ADAM7: variants seen among roughly 807,000 people sequenced by gnomAD.
The protein encoded by ADAM7 is ADAM metallopeptidase domain 7.
In ADAM7, 97 loss-of-function variants were observed where a neutral mutation model predicts 102.9. That is an observed-to-expected ratio of 0.94 (90% CI 0.80 to 1.12). The LOEUF (loss-of-function observed/expected upper bound fraction) is 1.12, where lower values mean the gene tolerates loss of function less well. Among genes scored for constraint, ADAM7 ranks in the 50% most tolerant of loss-of-function variants. The pLI, the probability that ADAM7 is intolerant of heterozygous loss-of-function variation, is 0.00. For missense variants in ADAM7, 991 were observed against 908.7 expected (o/e 1.09, Z -1.16); for synonymous variants, 334 against 304.4 (o/e 1.10, Z -1.01).
At chr8:24,452,330 G>A (rs1459924707) in intron 3 of ADAM7, among the ~76,000 whole-genome samples, 5 of 149,558 alleles carry the variant, frequency 3.3e-5, no homozygotes, top group African/African-American at 7.4e-5. Flanking sequence ...GAATCTGGGT[G>A]CTCCTGTATT....
At chr8:24,503,815 GA>G in intron 20 of ADAM7, among the ~76,000 whole-genome samples, 1 of 152,114 alleles carries the variant, frequency 6.6e-6, no homozygotes, top group African/African-American at 2.4e-5. Context: ...TCATAAGTGG[GA>G]GTTGAGCAAT....
chr8:24,487,827 G>A lies in ADAM7; in HGVS notation c.1091+510G>A, dbSNP rs17052042. ...GGTAGTGTCTCTCTCTAGTGATACC[G>A]TGAGAGAAATCCCAAAACTTTCTGG... is the stretch of plus-strand genomic sequence containing the variant. On this transcript the variant is annotated intron_variant, in intron 11 of 21. Coordinates refer to ENST00000175238, the MANE Select transcript of ADAM7 (RefSeq NM_003817.4). Among the ~76,000 whole-genome samples the A allele has an allele frequency of 9.4e-3, 1,426 of 152,104 alleles. 20 individuals are homozygous for A. The highest frequency in any genetic ancestry group is 0.033 in the African/African-American group (1,362 of 41,470).
At chr8:24,442,384 A>G in intron 1 of ADAM7, 89 bp from the exon 2 acceptor site, 1 of 895,040 alleles carries the variant, frequency 1.1e-6, no homozygotes, top group South Asian at 1.3e-5. Flanking sequence ...CTGGGGGCAA[A>G]TGAACTGTAT....
At chr8:24,459,861 GT>G (rs1175386815) in intron 3 of ADAM7, among the ~76,000 whole-genome samples, 5 of 151,924 alleles carry the variant, frequency 3.3e-5, no homozygotes, top group Admixed American at 3.3e-4. Flanking sequence ...CTTATTGAGT[GT>G]TTATTTTTCT....
intron 11 of ADAM7, among the ~76,000 whole-genome samples, chr8:24,488,110 T>G (rs1472952004): frequency 3.9e-5 from 6 of 152,206 alleles, no homozygotes; most frequent in South Asian, 4.1e-4. Context: ...ATCTAGCATA[T>G]TCTCTGTTTC....
At chr8:24,470,629 C>T (rs1819573096) in intron 7 of ADAM7, among the ~76,000 whole-genome samples, 1 of 152,114 alleles carries the variant, frequency 6.6e-6, no homozygotes. Context: ...AGAAAAATTC[C>T]TATAGCCTAG....
rs77018514 is a variant in ADAM7 at position 24,448,440 on chromosome 8, A to G, written c.233+1178A>G. Among the ~76,000 whole-genome samples, 679 of 152,250 alleles carry G rather than the reference A, an allele frequency of 4.5e-3. 2 individuals carry two copies. The highest frequency in any genetic ancestry group is 0.016 in the African/African-American group (654 of 41,558). Reference sequence around the variant, plus strand: ...GAGAGCAGTTTAATCTAATTTCAACATCTGTAATAGGCAACACTGCCTCAT... The same window carrying G: ...GAGAGCAGTTTAATCTAATTTCAACGTCTGTAATAGGCAACACTGCCTCAT... On this transcript the variant is annotated intron_variant, in intron 3 of 21. Transcript: ENST00000175238.
intron 3 of ADAM7, among the ~76,000 whole-genome samples, chr8:24,453,734 A>G (rs11992477): frequency 6.6e-6 from 1 of 152,186 alleles, no homozygotes; most frequent in East Asian, 1.9e-4. Context: ...GCTCTCCTTT[A>G]TAGAGTTTCC....
At position 24,449,660 on chromosome 8, in the gene ADAM7, C is replaced by T. The variant is rs555140020; in HGVS notation, c.233+2398C>T. Among the ~76,000 whole-genome samples, 57 of 152,194 alleles carry T rather than the reference C, an allele frequency of 3.7e-4. 1 individual carries two copies. In the South Asian group the frequency reaches 0.01, roughly 28 times the overall value. ...CAGAAGCTCTTTAGTTTAATTAGAT[C>T]CCATTTGTCAATTTTGGCTTTTGTT... On this transcript the variant is annotated intron_variant, in intron 3 of 21. Transcript: ENST00000175238.
chr8:24,489,320 G>A lies in ADAM7; in HGVS notation c.1253G>A (p.Cys418Tyr), dbSNP rs1180850966. 6.2e-7 allele frequency: 1 copy of A among 1,611,136 alleles called. No homozygotes were observed. Among genetic ancestry groups the A allele is most frequent in the Non-Finnish European group, 8.5e-7 (1 of 1,178,786 alleles). ...KKLDEGEECD[C>Y]GPAQECTNPC... ...TTGGATGAGGGTGAAGAGTGTGACT[G>A]TGGCCCTGCTCAGGTATTTGCAAAT... is the stretch of plus-strand genomic sequence containing the variant. The change falls in exon 12 of 22, where the codon TGT becomes TAT. Residue 418 changes from cysteine (C) to tyrosine (Y), a missense_variant. By Grantham distance (194) the Cys-to-Tyr change is radical. Transcript: ENST00000175238.
chr8:24,497,962 T>C (rs1820616280), intron 16 of ADAM7, among the ~76,000 whole-genome samples: 1 of 152,076 alleles, frequency 6.6e-6, no homozygotes, highest in African/African-American at 2.4e-5. Context: ...GCCAAGTTTT[T>C]ATTCAGACAG....
Position 24,501,468 on chromosome 8 carries a change from T to A in ADAM7, c.2109-9T>A. 6.3e-7 allele frequency: 1 copy of A among 1,596,776 alleles called. No individual in the cohort carries two copies. The highest frequency in any genetic ancestry group is 8.5e-7 in the Non-Finnish European group (1 of 1,173,892). ...TAATAAATTAGTTGTTCAATTTCCT[T>A]CTTGACAGCCCACCTACAGAAACCC... On this transcript the variant is annotated splice_polypyrimidine_tract_variant and intron_variant, in intron 19 of 21. Coordinates refer to ENST00000175238, the MANE Select transcript of ADAM7 (RefSeq NM_003817.4).
chr8:24,463,532 G>A (rs1231624810), intron 3 of ADAM7, among the ~76,000 whole-genome samples: 1 of 152,026 alleles, frequency 6.6e-6, no homozygotes, highest in East Asian at 1.9e-4. Context: ...ATCTTATGAT[G>A]TGATGAATAT....
intron 20 of ADAM7, 140 bp from the exon 21 acceptor site, chr8:24,507,340 G>A (rs1056765518): frequency 4.1e-5 from 26 of 630,270 alleles, no homozygotes; most frequent in Non-Finnish European, 6.5e-5. Flanking sequence ...AAACTGTCTT[G>A]GATTTTTCAT....
intron 7 of ADAM7, among the ~76,000 whole-genome samples, chr8:24,473,746 TA>T (rs1461733311): frequency 6.6e-6 from 1 of 152,064 alleles, no homozygotes; most frequent in African/African-American, 2.4e-5. Flanking sequence ...GTCCAAAAAA[TA>T]TTTGCAAACC....
intron 20 of ADAM7, among the ~76,000 whole-genome samples, chr8:24,506,486 C>T (rs577635446): frequency 6.6e-6 from 1 of 152,068 alleles, no homozygotes; most frequent in South Asian, 2.1e-4. Flanking sequence ...CACATTAGCA[C>T]AAAATTTATC....
chr8:24,505,330 G>A (rs974027888), intron 20 of ADAM7, among the ~76,000 whole-genome samples: 3 of 152,022 alleles, frequency 2.0e-5, no homozygotes, highest in African/African-American at 2.4e-5. Flanking sequence ...TGGTTTTTTG[G>A]TTAAATGAGG....
intron 7 of ADAM7, chr8:24,475,920 T>C: frequency 2.2e-6 from 1 of 456,544 alleles, no homozygotes; most frequent in Non-Finnish European, 4.4e-6. Context: ...CCCTCGTAGC[T>C]ATTTCCTGGA....
intron 15 of ADAM7, 136 bp from the exon 16 acceptor site, chr8:24,492,907 C>T: frequency 1.2e-6 from 1 of 847,722 alleles, no homozygotes; most frequent in Non-Finnish European, 1.7e-6. Context: ...CAGTGGTTTT[C>T]TCTGCCCATT....
Sources: gnomAD v4.1 joint callset for allele counts (sites outside exome capture counted in the v4.1 genomes callset) on GRCh38, gnomAD v4.1.1 for gene constraint, MANE v1.5 for transcripts, NCBI Gene and HGNC (gene_info 2026-07-23, HGNC 2026-07-21) for gene names.